Variants in TRIM9 observed in about 807,000 individuals in gnomAD.
The protein encoded by TRIM9 is tripartite motif containing 9.
Under a neutral mutation model 78.3 loss-of-function variants are expected in TRIM9, and 26 were observed. The observed-to-expected ratio is 0.33, with a 90% confidence interval of 0.24 to 0.46. The LOEUF (loss-of-function observed/expected upper bound fraction) is 0.46. Ranked by LOEUF, TRIM9 falls within the 20% of genes least tolerant of loss-of-function variation. The pLI is 1.00. For synonymous variants in TRIM9, 398 were observed against 416.5 expected (o/e 0.96, Z 0.54); for missense variants, 787 against 1,036.4 (o/e 0.76, Z 3.30).
chr14:51,016,235 C>T (rs2057175289), intron 3 of TRIM9, among the ~76,000 whole-genome samples: 1 of 152,180 alleles, frequency 6.6e-6, no homozygotes, highest in Admixed American at 6.5e-5. Flanking sequence ...GGGTCCTCAA[C>T]CCCCGGGCCG....
intron 7 of TRIM9, among the ~76,000 whole-genome samples, chr14:50,992,017 G>C (rs370764204): frequency 3.9e-5 from 6 of 152,354 alleles, no homozygotes; most frequent in African/African-American, 1.4e-4. Context: ...CAAGGTTTGT[G>C]TAGAGGACCT....
chr14:50,999,106 G>A (rs1376469315), intron 6 of TRIM9, among the ~76,000 whole-genome samples: 1 of 152,148 alleles, frequency 6.6e-6, no homozygotes. Flanking sequence ...TAGGTGTCTG[G>A]GGTAGGGTCT....
At chr14:50,987,670 CTT>C (rs1456165723) in intron 7 of TRIM9, among the ~76,000 whole-genome samples, 1 of 152,056 alleles carries the variant, frequency 6.6e-6, no homozygotes, top group Non-Finnish European at 1.5e-5. Flanking sequence ...GGAAATTAGC[CTT>C]TGAGTGTAAT....
rs1310032927 is a variant in TRIM9 at position 50,979,532 on chromosome 14, G to T, written c.2180C>A (p.Thr727Lys). ...SHTNRTEGGI[T>K]KGATIGVLLD... Reference sequence around the variant, plus strand: ...GAGGACCCCAATTGTGGCCCCTTTTGTGATCCCTCCCTCAGTTCTGTAGGA... The same window carrying T: ...GAGGACCCCAATTGTGGCCCCTTTTTTGATCCCTCCCTCAGTTCTGTAGGA... Residue 727 changes from threonine (T) to lysine (K), a missense_variant, in exon 12 of 13, where the codon ACA becomes AAA. Thr to Lys is a moderately conservative substitution (Grantham distance 78, BLOSUM62 -1). Coordinates refer to ENST00000684578, the MANE Select transcript of TRIM9 (RefSeq NM_001387360.1). 4 of 1,613,886 alleles carry T rather than the reference G, an allele frequency of 2.5e-6. No individual in the cohort carries two copies. In the East Asian group the frequency reaches 6.7e-5, roughly 27 times the overall value.
intron 12 of TRIM9, 28 bp from the exon 13 acceptor site, chr14:50,977,381 A>G: frequency 6.7e-7 from 1 of 1,493,760 alleles, no homozygotes; most frequent in Admixed American, 2.1e-5. Flanking sequence ...GAGTCCTGAG[A>G]GGCATCGTGC....
chr14:51,088,750 T>A (rs149643057), intron 1 of TRIM9, among the ~76,000 whole-genome samples: 117 of 152,194 alleles, frequency 7.7e-4, no homozygotes, highest in African/African-American at 2.6e-3. Flanking sequence ...TAGTGGTGAA[T>A]GGGTAGATAA....
intron 1 of TRIM9, among the ~76,000 whole-genome samples, chr14:51,069,243 G>C (rs899870008): frequency 6.6e-6 from 1 of 152,198 alleles, no homozygotes. Context: ...CTCAGGAACA[G>C]AGAAAGATGA....
At chr14:51,038,692 C>A (rs1303148084) in intron 1 of TRIM9, among the ~76,000 whole-genome samples, 5 of 152,192 alleles carry the variant, frequency 3.3e-5, no homozygotes, top group Admixed American at 6.5e-5. Context: ...AAGCATCTGA[C>A]CACCTGATGA....
intron 1 of TRIM9, among the ~76,000 whole-genome samples, chr14:51,087,256 G>A (rs2063846049): frequency 6.6e-6 from 1 of 152,096 alleles, no homozygotes; most frequent in Non-Finnish European, 1.5e-5. Flanking sequence ...AGGGTGTCAA[G>A]GAGAAGATAG....
intron 1 of TRIM9, among the ~76,000 whole-genome samples, chr14:51,034,094 T>C (rs2058952460): frequency 6.6e-6 from 1 of 152,158 alleles, no homozygotes; most frequent in African/African-American, 2.4e-5. Context: ...TTCAAACTGG[T>C]AATCCATGAC....
intron 5 of TRIM9, 97 bp downstream of exon 5, chr14:51,008,983 A>G (rs2056214352): frequency 8.1e-7 from 1 of 1,240,856 alleles, no homozygotes; most frequent in Non-Finnish European, 1.1e-6. Context: ...GCCACTCCAT[A>G]TTCTTGTTAC....
At chr14:50,996,247 T>C (rs2054192861) in intron 7 of TRIM9, 1 of 985,340 alleles carries the variant, frequency 1.0e-6, no homozygotes. Flanking sequence ...AGTTTCTTTG[T>C]TGGAAGAGAA....
intron 2 of TRIM9, 55 bp from the exon 3 acceptor site, chr14:51,023,012 A>G: frequency 6.2e-7 from 1 of 1,606,844 alleles, no homozygotes; most frequent in Non-Finnish European, 8.5e-7. Flanking sequence ...TCAGGCTGCC[A>G]GAGAAAACAG....
intron 1 of TRIM9, among the ~76,000 whole-genome samples, chr14:51,044,338 T>C (rs1324279068): frequency 1.3e-5 from 2 of 152,192 alleles, no homozygotes; most frequent in African/African-American, 4.8e-5. Flanking sequence ...TCTTCCATCC[T>C]AACCCATCCC....
intron 1 of TRIM9, chr14:51,089,934 C>T (rs1186434270): frequency 6.6e-6 from 1 of 152,168 alleles, no homozygotes; most frequent in East Asian, 1.9e-4. Context: ...ATTTAATTTA[C>T]CTTATCAAAA....
chr14:51,080,226 TAA>T (rs201632600), intron 1 of TRIM9, among the ~76,000 whole-genome samples: 2 of 144,954 alleles, frequency 1.4e-5, no homozygotes, highest in African/African-American at 5.0e-5. Context: ...AAGCCAATGT[TAA>T]AAAAAAAAAG....
At chr14:51,081,536 G>A (rs928622956) in intron 1 of TRIM9, among the ~76,000 whole-genome samples, 1 of 152,124 alleles carries the variant, frequency 6.6e-6, no homozygotes, top group African/African-American at 2.4e-5. Context: ...ATCCCTAGGC[G>A]TCCTGCAATT....
chr14:50,984,109 T>C (rs932390795), intron 8 of TRIM9, among the ~76,000 whole-genome samples: 1 of 152,028 alleles, frequency 6.6e-6, no homozygotes, highest in Admixed American at 6.6e-5. Context: ...CTGTACCCCA[T>C]GAGAAATTAC....
chr14:50,983,044 T>C (rs2052180445), intron 9 of TRIM9, 79 bp from the exon 10 acceptor site: 1 of 1,348,882 alleles, frequency 7.4e-7, no homozygotes, highest in Non-Finnish European at 1.0e-6. Flanking sequence ...TGTGTCTCTC[T>C]TGATAGACTA....
Sources: gnomAD v4.1 joint callset for allele counts (sites outside exome capture counted in the v4.1 genomes callset) on GRCh38, gnomAD v4.1.1 for gene constraint, MANE v1.5 for transcripts, NCBI Gene and HGNC (gene_info 2026-07-23, HGNC 2026-07-21) for gene names.